Variants in ZFP64 observed in about 807,000 individuals in gnomAD.
The protein encoded by ZFP64 is zinc finger protein 64.
In ZFP64, 14 loss-of-function variants were observed where a neutral mutation model predicts 51.6. That is an observed-to-expected ratio of 0.27 (90% CI 0.18 to 0.42). The LOEUF (loss-of-function observed/expected upper bound fraction) is 0.42. Ranked by LOEUF, ZFP64 falls within the 10% of genes least tolerant of loss-of-function variation. ZFP64 has a pLI of 1.00. For synonymous variants in ZFP64, 375 were observed against 361.4 expected (o/e 1.04, Z -0.43); for missense variants, 754 against 906.8 (o/e 0.83, Z 2.16).
intron 2 of ZFP64, among the ~76,000 whole-genome samples, chr20:52,181,928 G>A (rs1426091465): frequency 6.6e-6 from 1 of 152,186 alleles, no homozygotes; most frequent in Non-Finnish European, 1.5e-5. Flanking sequence ...AATTCTGCTT[G>A]TTTAGTTGGC....
rs765304709 is a variant in ZFP64 at position 52,153,376 on chromosome 20, C to G, written c.816G>C (p.Ser272=). 4 of 1,614,028 alleles carry G rather than the reference C, an allele frequency of 2.5e-6. No homozygotes were observed. The change falls in exon 6 of 6, where the codon TCG becomes TCC. Residue 272 remains serine, a synonymous_variant. Transcript: ENST00000216923. The surrounding 1 kb of genome is among the most constrained non-coding windows in gnomAD (Gnocchi z 5.1). ...WLCSAKFKIS[S]DLKRHMRVHS... ...GCACCCGCATGTGCCTTTTCAAGTC[C>G]GAGCTGATTTTGAACTTGGCGCTAC...
intron 5 of ZFP64, among the ~76,000 whole-genome samples, chr20:52,113,947 G>A (rs568126097): frequency 2.0e-5 from 3 of 152,154 alleles, no homozygotes; most frequent in Admixed American, 2.0e-4. Context: ...ACCTGATTTT[G>A]GCTAGAAGTG....
chr20:52,166,662 C>A (rs1033127283), intron 2 of ZFP64, among the ~76,000 whole-genome samples: 1 of 151,964 alleles, frequency 6.6e-6, no homozygotes, highest in Non-Finnish European at 1.5e-5. Flanking sequence ...CGCCATGCTG[C>A]GCGGGCTGGT....
chr20:52,104,564 T>TC lies in ZFP64; in HGVS notation c.764-5978dup, dbSNP rs2079089593. The stretch of plus-strand genomic sequence containing the variant: ...GTCTGCCCCCATCACCTCTCGGGCC[T>TC]CCGGTGACCTCTCGGGCTACAGCAG... On this transcript the variant is annotated intron_variant, in intron 5 of 8. Coordinates refer to the ZFP64 transcript ENST00000361387. 8.0e-6 allele frequency: 3 copies of TC among 376,046 alleles called. No homozygotes were observed. The Admixed American group carries it at 1.0e-4, about 13-fold the overall frequency. 23.3% of individuals were successfully genotyped at this position (376,046 alleles called of 1,614,324 possible).
At position 52,117,864 on chromosome 20, in the gene ZFP64, C is replaced by T. The variant is rs574790186; in HGVS notation, c.764-19277G>A. ...AGGCTGGAGTACAGTGATGCGATCA[C>T]AGCTCACTGCAGTCTCAACCCCCCA... On this transcript the variant is annotated intron_variant, in intron 5 of 8. Coordinates refer to the ZFP64 transcript ENST00000361387. 5.3e-5 allele frequency among the ~76,000 whole-genome samples: 8 copies of T among 152,218 alleles called. 1 individual carries two copies. The South Asian group carries it at 1.7e-3, about 32-fold the overall frequency.
intron 5 of ZFP64, among the ~76,000 whole-genome samples, chr20:52,154,175 T>C (rs1224887024): frequency 6.6e-6 from 1 of 152,164 alleles, no homozygotes; most frequent in East Asian, 1.9e-4. Context: ...TTCAAGCAAA[T>C]TGGCGACCCC....
chr20:52,148,231 T>C (rs1000508294), downstream of ZFP64, among the ~76,000 whole-genome samples: 3 of 152,208 alleles, frequency 2.0e-5, no homozygotes, highest in Non-Finnish European at 4.4e-5. Context: ...AAATATGTCA[T>C]GTTGGCCAGC....
intron 2 of ZFP64, among the ~76,000 whole-genome samples, chr20:52,176,809 G>A (rs1252552297): frequency 6.6e-6 from 1 of 152,092 alleles, no homozygotes; most frequent in Non-Finnish European, 1.5e-5. Flanking sequence ...GCGCCCGGCC[G>A]GTTCAATCTC....
rs972777681 is a variant in ZFP64, at chr20:52,153,104, C to A, written c.1088G>T (p.Arg363Leu). ...SSKAALRIHE[R>L]IHCTDRPFKC... ...GAAAGGGCGGTCGGTGCAGTGGATA[C>A]GCTCGTGGATGCGCAGGGCGGCCTT... The change falls in exon 6 of 6, where the codon CGT becomes CTT. Residue 363 changes from arginine to leucine, a missense_variant. Arg to Leu is a moderately radical substitution (Grantham distance 102, BLOSUM62 -2). This residue lies in a region of ZFP64 where 428 missense variants were observed against 472.4 expected (regional missense o/e 0.91). Transcript: ENST00000216923. The surrounding 1 kb of genome is among the most constrained non-coding windows in gnomAD (Gnocchi z 5.1). 1.2e-6 allele frequency: 2 copies of A among 1,614,090 alleles called. No individual in the cohort carries two copies. The highest frequency in any genetic ancestry group is 1.7e-6 in the Non-Finnish European group (2 of 1,180,050).
chr20:52,127,193 G>C (rs1218907313), intron 5 of ZFP64, among the ~76,000 whole-genome samples: 1 of 151,970 alleles, frequency 6.6e-6, no homozygotes, highest in African/African-American at 2.4e-5. Flanking sequence ...CTCATGATCC[G>C]CCGGCCTCGG....
intron 5 of ZFP64, among the ~76,000 whole-genome samples, chr20:52,146,194 T>C (rs1030889202): frequency 1.3e-5 from 2 of 152,054 alleles, no homozygotes; most frequent in African/African-American, 4.8e-5. Flanking sequence ...GATCTAGAAC[T>C]AGAAATACCA....
At chr20:52,095,976 A>C (rs2078984325) in intron 7 of ZFP64, among the ~76,000 whole-genome samples, 1 of 152,200 alleles carries the variant, frequency 6.6e-6, no homozygotes, top group Non-Finnish European at 1.5e-5. Flanking sequence ...GCATGCTTTC[A>C]CTGACATCGT....
chr20:52,140,104 A>T (rs1980184184), intron 5 of ZFP64, among the ~76,000 whole-genome samples: 1 of 152,070 alleles, frequency 6.6e-6, no homozygotes, highest in African/African-American at 2.4e-5. Flanking sequence ...TAACTGATAA[A>T]TGTAGTGTGT....
At chr20:52,165,039 T>C (rs1472798308) in intron 3 of ZFP64, 1 of 566,906 alleles carries the variant, frequency 1.8e-6, no homozygotes, top group South Asian at 1.5e-5. Context: ...TTTTCAAAAA[T>C]GTCAAGCTTA....
chr20:52,164,908 C>CG (rs1982126346), intron 3 of ZFP64, 151 bp from the exon 4 acceptor site: 1 of 717,652 alleles, frequency 1.4e-6, no homozygotes, highest in African/African-American at 1.7e-5. Context: ...ATGTGATGAC[C>CG]GGGAAAAACA....
intron 5 of ZFP64, among the ~76,000 whole-genome samples, chr20:52,119,533 A>ATATATATATATATATATATAT (rs1555802531): frequency 3.3e-5 from 3 of 89,840 alleles, no homozygotes; most frequent in African/African-American, 1.4e-4. Flanking sequence ...AAAAAAAAAA[A>ATATATATATATATATATATAT]ATATATATAT....
intron 2 of ZFP64, chr20:52,175,857 C>CCCCGGG: frequency 1.9e-5 from 7 of 376,066 alleles, no homozygotes; most frequent in Non-Finnish European, 2.5e-5. Flanking sequence ...CCCGCACCCC[C>CCCCGGG]GCTGCCGCCC....
chr20:52,108,235 CA>C (rs1358730669), intron 5 of ZFP64, among the ~76,000 whole-genome samples: 1 of 152,040 alleles, frequency 6.6e-6, no homozygotes, highest in Non-Finnish European at 1.5e-5. Context: ...AACAAACAAA[CA>C]AAACCCAAAA....
chr20:52,105,304 T>C, intron 5 of ZFP64: 2 of 1,260,354 alleles, frequency 1.6e-6, no homozygotes, highest in Non-Finnish European at 2.0e-6. Context: ...ATTCCCGGAG[T>C]TCGGAAATTA....
Sources: allele counts gnomAD v4.1 joint callset (sites outside exome capture counted in the v4.1 genomes callset), GRCh38; gene constraint gnomAD v4.1.1; regional missense constraint gnomAD v4.1.1; non-coding constraint Gnocchi (gnomAD v3.1); transcripts MANE v1.5; gene names NCBI Gene and HGNC (gene_info 2026-07-23, HGNC 2026-07-21).